The following UBE2R2 variants were observed in gnomAD, a reference collection of about 807,000 sequenced individuals.
The protein encoded by UBE2R2 is ubiquitin conjugating enzyme E2 R2, also known as ubiquitin-conjugating enzyme E2 R2.
Under a neutral mutation model 27.8 loss-of-function variants are expected in UBE2R2, and 1 was observed. The ratio of observed to expected loss-of-function variants is 0.04; its 90% CI spans 0.01 to 0.17. The LOEUF is 0.17. UBE2R2 is among the 10% of genes least tolerant of loss of function. The pLI is 1.00. For missense variants in UBE2R2, 100 were observed against 291.0 expected, an observed-to-expected ratio of 0.34 and a Z score of 4.78; for synonymous variants, 106 against 113.3, an observed-to-expected ratio of 0.94 and a Z score of 0.41.
intron 1 of UBE2R2, among the ~76,000 whole-genome samples, chr9:33,828,687 G>T (rs1005406253): frequency 6.6e-6 from 1 of 151,036 alleles, no homozygotes. Context: ...TCAGCCTCCC[G>T]AGTAGCTGGG....
chr9:33,819,244 A>G (rs1187830843), intron 1 of UBE2R2, among the ~76,000 whole-genome samples: 1 of 152,136 alleles, frequency 6.6e-6, no homozygotes, highest in Non-Finnish European at 1.5e-5. Flanking sequence ...TTTTAGGACT[A>G]CCCAATTACT....
chr9:33,894,810 T>A (rs1435077332), intron 2 of UBE2R2, among the ~76,000 whole-genome samples: 1 of 152,152 alleles, frequency 6.6e-6, no homozygotes, highest in African/African-American at 2.4e-5. Flanking sequence ...AGTGGAAGGA[T>A]CACTTGAACC....
chr9:33,907,543 T>C (rs369318348), intron 3 of UBE2R2, among the ~76,000 whole-genome samples: 1 of 152,140 alleles, frequency 6.6e-6, no homozygotes, highest in South Asian at 2.1e-4. Context: ...TAAACATGTA[T>C]TCTGCTGGAT....
chr9:33,819,090 G>GTGCT (rs1825911597), intron 1 of UBE2R2, among the ~76,000 whole-genome samples: 1 of 152,170 alleles, frequency 6.6e-6, no homozygotes, highest in Admixed American at 6.5e-5. Context: ...GAGGAAATGA[G>GTGCT]TGCTTAGGAA....
intron 1 of UBE2R2, among the ~76,000 whole-genome samples, chr9:33,832,239 C>T (rs192548008): frequency 5.3e-4 from 80 of 151,026 alleles, no homozygotes; most frequent in African/African-American, 1.7e-3. Flanking sequence ...ACCCGGGAAG[C>T]AGAGGTTGCA....
intron 2 of UBE2R2, among the ~76,000 whole-genome samples, chr9:33,899,033 C>T (rs754313855): frequency 6.6e-6 from 1 of 152,086 alleles, no homozygotes; most frequent in Non-Finnish European, 1.5e-5. Flanking sequence ...TGCTGCGAGG[C>T]ATATTTTTGG....
chr9:33,848,455 G>A (rs1008283969), intron 1 of UBE2R2, among the ~76,000 whole-genome samples: 2 of 152,138 alleles, frequency 1.3e-5, no homozygotes, highest in Admixed American at 6.6e-5. Context: ...TAGATAGGAT[G>A]TGGGGCTGTT....
chr9:33,893,563 G>A (rs1382986760), intron 2 of UBE2R2, among the ~76,000 whole-genome samples: 3 of 152,282 alleles, frequency 2.0e-5, no homozygotes, highest in East Asian at 1.9e-4. Context: ...CCTGTTTTCA[G>A]TTCTTTGGGT....
At chr9:33,904,810 G>A (rs915114677) in intron 3 of UBE2R2, among the ~76,000 whole-genome samples, 1 of 152,300 alleles carries the variant, frequency 6.6e-6, no homozygotes. Context: ...TTAAATTGGT[G>A]GGGCTGGAGG....
At chr9:33,896,484 C>T (rs1310667919) in intron 2 of UBE2R2, among the ~76,000 whole-genome samples, 1 of 151,926 alleles carries the variant, frequency 6.6e-6, no homozygotes, top group Non-Finnish European at 1.5e-5. Flanking sequence ...ACTCTGTCGC[C>T]CAGTCTGGAG....
chr9:33,817,550 G>A lies in UBE2R2; in HGVS notation c.-208G>A. ...GCCCGGCCCGAGTGTGAGGAGAAGGGCCCGGCCCGGCCTGCGTCGTGTGTG... is the reference window on the plus strand; with the variant it reads ...GCCCGGCCCGAGTGTGAGGAGAAGGACCCGGCCCGGCCTGCGTCGTGTGTG... On this transcript the variant is annotated 5_prime_UTR_variant, in exon 1 of 5. Coordinates refer to ENST00000263228, the MANE Select transcript of UBE2R2 (RefSeq NM_017811.4). 2 of 347,572 alleles carry A rather than the reference G, an allele frequency of 5.8e-6. No homozygotes were observed. The highest frequency in any genetic ancestry group is 8.6e-6 in the Non-Finnish European group (2 of 232,670). 21.5% of individuals were successfully genotyped at this position (347,572 alleles called of 1,614,324 possible). A position where few individuals can be genotyped will look rare whatever the true frequency, so the allele number is the denominator to read the frequency against.
chr9:33,911,542 AAAAT>A (rs1822490877), intron 3 of UBE2R2, among the ~76,000 whole-genome samples: 1 of 151,526 alleles, frequency 6.6e-6, no homozygotes, highest in African/African-American at 2.4e-5. Flanking sequence ...TGTAATTTTT[AAAAT>A]AAACAGTATT....
In UBE2R2 at chr9:33,886,013, C is replaced by CA. The variant is rs1207286544; in HGVS notation, c.178-867dup. ...TGATGGAGTATAATGCAGATACTGT[C>CA]AGTCATCCATGTAAAGAGAATATTT... On this transcript the variant is annotated intron_variant, in intron 1 of 4. Transcript: ENST00000263228. 2.6e-5 allele frequency among the ~76,000 whole-genome samples: 4 copies of CA among 152,146 alleles called. No individual in the cohort carries two copies. The East Asian group carries it at 7.7e-4, about 29-fold the overall frequency.
chr9:33,836,769 AT>A (rs201703138), intron 1 of UBE2R2, among the ~76,000 whole-genome samples: 328 of 97,552 alleles, frequency 3.4e-3, no homozygotes, highest in African/African-American at 0.011. Context: ...AAAAAAAAAA[AT>A]ATATATATAT....
chr9:33,869,947 A>G (rs1821451003), intron 1 of UBE2R2, among the ~76,000 whole-genome samples: 2 of 151,960 alleles, frequency 1.3e-5, no homozygotes, highest in African/African-American at 4.8e-5. Context: ...CCTGGGTTCA[A>G]GCGATTCTCC....
chr9:33,817,731 G>A lies in UBE2R2; in HGVS notation c.-27G>A, dbSNP rs765439083. 2.9e-5 allele frequency: 43 copies of A among 1,494,346 alleles called. No homozygotes were observed. The highest frequency in any genetic ancestry group is 3.7e-5 in the Non-Finnish European group (41 of 1,120,812). The allele number at this position is 1,494,346 out of a possible 1,614,324, so 92.6% of individuals were successfully genotyped here. The stretch of plus-strand genomic sequence containing the variant: ...TGCGTGAGGACTGGGGCCCGGGCCC[G>A]GCGCCGCCGCCGCCGCCGCCGCCGC... On this transcript the variant is annotated 5_prime_UTR_variant, in exon 1 of 5. Transcript: ENST00000263228.
intron 1 of UBE2R2, among the ~76,000 whole-genome samples, chr9:33,823,623 G>A (rs890901739): frequency 1.3e-5 from 2 of 151,862 alleles, no homozygotes; most frequent in Admixed American, 1.3e-4. Flanking sequence ...TGATCTACCC[G>A]CCTTGGCCTC....
chr9:33,897,046 T>TTTTTA, intron 2 of UBE2R2, among the ~76,000 whole-genome samples: 1 of 124,652 alleles, frequency 8.0e-6, no homozygotes, highest in East Asian at 2.4e-4. Context: ...TTTTTTTTTT[T>TTTTTA]TTTTTTTTGA....
At chr9:33,905,152 T>C (rs1822325141) in intron 3 of UBE2R2, among the ~76,000 whole-genome samples, 2 of 152,202 alleles carry the variant, frequency 1.3e-5, no homozygotes, top group Non-Finnish European at 2.9e-5. Flanking sequence ...TTGCTTTATG[T>C]TGAAAGAGGC....
Sources: allele counts gnomAD v4.1 joint callset (sites outside exome capture counted in the v4.1 genomes callset), GRCh38; gene constraint gnomAD v4.1.1; transcripts MANE v1.5; gene names NCBI Gene and HGNC (gene_info 2026-07-23, HGNC 2026-07-21).